Variants in CSMD3 observed in about 807,000 individuals in gnomAD.
CSMD3 encodes the protein CUB and sushi domain-containing protein 3.
A neutral mutation model predicts 435.2 loss-of-function variants in CSMD3; 177 were observed. The observed-to-expected ratio is 0.41, with a 90% CI of 0.36 to 0.46. CSMD3 has a LOEUF of 0.46. Ranked by LOEUF, CSMD3 falls within the 20% of genes least tolerant of loss-of-function variation. The pLI is 0.34. For missense variants in CSMD3, 4,265 were observed against 4,504.6 expected, an observed-to-expected ratio of 0.95 and a Z score of 1.52; for synonymous variants, 1,656 against 1,520.5, an observed-to-expected ratio of 1.09 and a Z score of -2.07.
In CSMD3 at chr8:112,305,870, T is replaced by C. The variant is rs548792987; in HGVS notation, c.8071+137A>G. 7 of 764,682 alleles carry C rather than the reference T, an allele frequency of 9.2e-6. No homozygotes were observed. The East Asian group carries it at 1.8e-4, about 20-fold the overall frequency. The allele number at this position is 764,682 out of a possible 1,614,324, so 47.4% of individuals were successfully genotyped here. A position where few individuals can be genotyped will look rare whatever the true frequency, so the allele number is the denominator to read the frequency against. On this transcript the variant is annotated intron_variant, in intron 51 of 70. Transcript: ENST00000297405. ...TAGTACTTCATTGTACAAGATAGCTTACTTAACTTTTATTTCTGACTTAGA... is the reference window on the plus strand; with the variant it reads ...TAGTACTTCATTGTACAAGATAGCTCACTTAACTTTTATTTCTGACTTAGA...
chr8:112,827,142 T>C (rs1057167796), intron 12 of CSMD3, among the ~76,000 whole-genome samples: 5 of 137,086 alleles, frequency 3.6e-5, no homozygotes, highest in African/African-American at 1.4e-4. Flanking sequence ...ATCTTTCTTC[T>C]GTATTTTACT....
intron 12 of CSMD3, among the ~76,000 whole-genome samples, chr8:112,811,585 A>G (rs1353940831): frequency 6.6e-6 from 1 of 152,064 alleles, no homozygotes; most frequent in African/African-American, 2.4e-5. Context: ...AGAAGTGTAT[A>G]TTTTTCTTTT....
intron 13 of CSMD3, among the ~76,000 whole-genome samples, chr8:112,747,605 T>C (rs373653254): frequency 1.8e-4 from 27 of 152,298 alleles, no homozygotes; most frequent in African/African-American, 6.5e-4. Flanking sequence ...ATATTTTCTG[T>C]AAATTGTCAG....
chr8:113,138,587 A>T (rs561301495), intron 4 of CSMD3, among the ~76,000 whole-genome samples: 1 of 151,404 alleles, frequency 6.6e-6, no homozygotes, highest in South Asian at 2.1e-4. Flanking sequence ...TGCAAATACA[A>T]TTATAAGCTA....
At chr8:112,559,373 G>A (rs1828411001) in intron 24 of CSMD3, among the ~76,000 whole-genome samples, 1 of 151,802 alleles carries the variant, frequency 6.6e-6, no homozygotes, top group Admixed American at 6.6e-5. Context: ...AGGAGCATAG[G>A]TTTTTCTCCC....
chr8:112,520,494 T>C (rs1263053741), intron 27 of CSMD3, among the ~76,000 whole-genome samples: 1 of 151,980 alleles, frequency 6.6e-6, no homozygotes, highest in African/African-American at 2.4e-5. Flanking sequence ...ATCCTACTAG[T>C]GGAACTCTGA....
intron 4 of CSMD3, among the ~76,000 whole-genome samples, chr8:113,137,376 T>TA (rs530468287): frequency 6.6e-6 from 1 of 151,766 alleles, no homozygotes; most frequent in African/African-American, 2.4e-5. Context: ...TATATGTTTA[T>TA]AAAAAGAGTT....
At chr8:112,515,516 C>T (rs1823578199) in intron 28 of CSMD3, among the ~76,000 whole-genome samples, 1 of 151,862 alleles carries the variant, frequency 6.6e-6, no homozygotes, top group African/African-American at 2.4e-5. Flanking sequence ...AGTTGTTTCC[C>T]CGGATCGTAT....
intron 5 of CSMD3, among the ~76,000 whole-genome samples, chr8:113,047,084 G>T (rs926038472): frequency 1.3e-5 from 2 of 152,218 alleles, no homozygotes; most frequent in African/African-American, 4.8e-5. Flanking sequence ...CACGGAAGAA[G>T]AGGAAGTTCT....
chr8:113,295,219 A>G (rs922461185), intron 2 of CSMD3, among the ~76,000 whole-genome samples: 23 of 152,288 alleles, frequency 1.5e-4, no homozygotes, highest in Admixed American at 4.6e-4. Context: ...TAAATGCACA[A>G]TAAATTATTG....
intron 3 of CSMD3, among the ~76,000 whole-genome samples, chr8:113,175,467 G>C (rs2092334175): frequency 6.6e-6 from 1 of 151,702 alleles, no homozygotes; most frequent in Admixed American, 6.6e-5. Flanking sequence ...ACTTAAATTT[G>C]TAAAATATTT....
intron 4 of CSMD3, among the ~76,000 whole-genome samples, chr8:113,157,662 T>C (rs1323223378): frequency 1.3e-5 from 2 of 152,134 alleles, no homozygotes; most frequent in Non-Finnish European, 2.9e-5. Context: ...TTTTATACGA[T>C]TTCTATGTTT....
At chr8:112,949,381 T>C (rs1173156310) in intron 8 of CSMD3, among the ~76,000 whole-genome samples, 1 of 152,056 alleles carries the variant, frequency 6.6e-6, no homozygotes, top group African/African-American at 2.4e-5. Context: ...ATTCTCTAAC[T>C]TGCTATACAA....
chr8:112,961,497 C>A (rs1425561157), intron 7 of CSMD3, among the ~76,000 whole-genome samples: 1 of 151,800 alleles, frequency 6.6e-6, no homozygotes, highest in Non-Finnish European at 1.5e-5. Context: ...GCTACAATGT[C>A]TTAGTGTTGA....
chr8:113,235,651 A>ATGTG (rs2093139407), intron 3 of CSMD3, among the ~76,000 whole-genome samples: 1 of 152,132 alleles, frequency 6.6e-6, no homozygotes, highest in South Asian at 2.1e-4. Flanking sequence ...TTCTGAGTGT[A>ATGTG]TGTGTGAGTG....
At chr8:112,327,256 G>A (rs1041260757) in intron 45 of CSMD3, among the ~76,000 whole-genome samples, 8 of 152,058 alleles carry the variant, frequency 5.3e-5, no homozygotes, top group African/African-American at 1.9e-4. Flanking sequence ...TAAAATATAT[G>A]CTTTGGTTAC....
chr8:113,374,818 T>TAAAAAAAA (rs1215451792), intron 1 of CSMD3, among the ~76,000 whole-genome samples: 348 of 27,848 alleles, frequency 0.012, 11 homozygotes, highest in Non-Finnish European at 0.017. Context: ...TGTTAAAAAG[T>TAAAAAAAA]AAAAAAAAAA....
At chr8:112,433,668 A>AAAG (rs1429883908) in intron 32 of CSMD3, among the ~76,000 whole-genome samples, 18 of 150,284 alleles carry the variant, frequency 1.2e-4, no homozygotes, top group Non-Finnish European at 2.5e-4. Context: ...AAAAAAAAAA[A>AAAG]AAAAGAAAGA....
At chr8:113,222,975 A>G (rs1306834901) in intron 3 of CSMD3, among the ~76,000 whole-genome samples, 2 of 150,998 alleles carry the variant, frequency 1.3e-5, no homozygotes, top group Non-Finnish European at 3.0e-5. Flanking sequence ...AAAATGAACT[A>G]TTTTTGAGAT....
Sources: gnomAD v4.1 joint callset for allele counts (sites outside exome capture counted in the v4.1 genomes callset) on GRCh38, gnomAD v4.1.1 for gene constraint, MANE v1.5 for transcripts, NCBI Gene and HGNC (gene_info 2026-07-23, HGNC 2026-07-21) for gene names.